The following EML6 variants were observed in gnomAD, a reference collection of about 807,000 sequenced individuals.
The protein encoded by EML6 is EMAP like 6.
A neutral mutation model predicts 240.1 loss-of-function variants in EML6; 154 were observed. That is an observed-to-expected ratio of 0.64 (90% CI 0.56 to 0.73). The LOEUF is 0.73. Among genes scored for constraint, EML6 ranks in the 30% least tolerant of loss-of-function variants. The probability of loss-of-function intolerance (pLI) is 0.00; values close to 1 mark genes in which losing one functional copy is unlikely to be tolerated. For missense variants in EML6, 2,964 were observed against 2,474.6 expected, an observed-to-expected ratio of 1.20 and a Z score of -4.20; for synonymous variants, 1,148 against 899.0, an observed-to-expected ratio of 1.28 and a Z score of -4.95.
rs374277784 is a variant in EML6, at chr2:54,905,834, A to T, written c.3409+2332A>T. 8.5e-5 allele frequency among the ~76,000 whole-genome samples: 13 copies of T among 152,290 alleles called. No homozygotes were observed. In the East Asian group the frequency reaches 1.9e-3, roughly 23 times the overall value. ...TTCCACTTAGCATAATGTTCTCAAGATTCCTCCATGTTGTAGCATGTGTCA... is the reference window on the plus strand; with the variant it reads ...TTCCACTTAGCATAATGTTCTCAAGTTTCCTCCATGTTGTAGCATGTGTCA... On this transcript the variant is annotated intron_variant, in intron 24 of 41. Coordinates refer to ENST00000356458, the MANE Select transcript of EML6 (RefSeq NM_001039753.4).
intron 28 of EML6, among the ~76,000 whole-genome samples, chr2:54,945,399 A>G (rs75010292): frequency 0.15 from 22,846 of 151,190 alleles, 2,338 homozygotes; most frequent in African/African-American, 0.29. Context: ...TCCTCCAAGG[A>G]CACTTTGAAC....
chr2:54,825,627 C>T (rs1358616379), intron 5 of EML6, among the ~76,000 whole-genome samples: 1 of 152,124 alleles, frequency 6.6e-6, no homozygotes, highest in Non-Finnish European at 1.5e-5. Flanking sequence ...AATGAGTTAC[C>T]AGAGCTGATA....
intron 2 of EML6, among the ~76,000 whole-genome samples, chr2:54,805,425 A>G (rs1051915349): frequency 6.6e-6 from 1 of 152,228 alleles, no homozygotes; most frequent in Non-Finnish European, 1.5e-5. Flanking sequence ...TTAGCAATAT[A>G]TATGCATTCC....
chr2:54,948,601 C>G (rs1177686688), intron 28 of EML6, among the ~76,000 whole-genome samples: 1 of 152,216 alleles, frequency 6.6e-6, no homozygotes, highest in Non-Finnish European at 1.5e-5. Flanking sequence ...TCTTCCTGCT[C>G]CCCCTGCTCC....
At chr2:54,954,939 C>T (rs1055266375) in intron 32 of EML6, among the ~76,000 whole-genome samples, 4 of 152,214 alleles carry the variant, frequency 2.6e-5, no homozygotes, top group African/African-American at 9.7e-5. Context: ...ATCCAGGGCT[C>T]TGGAGTCCCA....
chr2:54,903,460 G>A lies in EML6; in HGVS notation c.3367G>A (p.Gly1123Ser). ...AAGCAAAAGGGTTGGCATCTGTAAAGGTGCTTCTAGTTATATTACACACAT... is the reference window on the plus strand; with the variant it reads ...AAGCAAAAGGGTTGGCATCTGTAAAAGTGCTTCTAGTTATATTACACACAT... ...LTSKRVGICK[G>S]ASSYITHIDW... The change falls in exon 24 of 42, where the codon GGT becomes AGT. Residue 1123 changes from glycine to serine, a missense_variant. Transcript: ENST00000356458. 6.4e-7 allele frequency: 1 copy of A among 1,551,976 alleles called. No homozygotes were observed. Among genetic ancestry groups the A allele is most frequent in the Non-Finnish European group, 8.7e-7 (1 of 1,146,982 alleles).
At chr2:54,932,020 CTG>C (rs1438257886) in intron 28 of EML6, among the ~76,000 whole-genome samples, 1 of 152,186 alleles carries the variant, frequency 6.6e-6, no homozygotes, top group Non-Finnish European at 1.5e-5. Flanking sequence ...TTTAAAATAG[CTG>C]TGAGATTTCA....
At chr2:54,781,795 G>A (rs761448659) in intron 2 of EML6, among the ~76,000 whole-genome samples, 2 of 152,040 alleles carry the variant, frequency 1.3e-5, no homozygotes, top group Admixed American at 6.6e-5. Flanking sequence ...TCAGCCTCTC[G>A]AGTAGTTGGG....
intron 26 of EML6, among the ~76,000 whole-genome samples, chr2:54,927,543 A>T (rs1489441613): frequency 9.2e-5 from 14 of 152,186 alleles, no homozygotes; most frequent in African/African-American, 3.1e-4. Context: ...TGTTTTTGCC[A>T]GGCTGTGGCT....
intron 22 of EML6, among the ~76,000 whole-genome samples, chr2:54,902,371 C>A (rs887386128): frequency 1.3e-5 from 2 of 152,048 alleles, no homozygotes; most frequent in African/African-American, 4.8e-5. Flanking sequence ...ATATTATGAT[C>A]TTTTTCCTTG....
Position 54,895,027 on chromosome 2 carries a change from G to C in EML6, c.2854+1G>C, listed in dbSNP as rs1351504549. ...TCAGCATTGTCGACTAGCTCAAAAG[G>C]TGCCACTCCCAAACATGTAATAGAG... On this transcript the variant is annotated splice_donor_variant, in intron 20 of 41. Coordinates refer to ENST00000356458, the MANE Select transcript of EML6 (RefSeq NM_001039753.4). LOFTEE classifies it high-confidence loss of function. The C allele has an allele frequency of 6.5e-7, 1 of 1,542,620 alleles. No individual in the cohort carries two copies. Among genetic ancestry groups the C allele is most frequent in the Non-Finnish European group, 8.8e-7 (1 of 1,138,652 alleles).
chr2:54,960,802 G>A (rs111881520), intron 35 of EML6, among the ~76,000 whole-genome samples: 1 of 152,244 alleles, frequency 6.6e-6, no homozygotes, highest in South Asian at 2.1e-4. Context: ...TTTGGGTAGC[G>A]TATCAAAAAC....
At chr2:54,905,728 T>G (rs1023729315) in intron 24 of EML6, among the ~76,000 whole-genome samples, 22 of 152,302 alleles carry the variant, frequency 1.4e-4, no homozygotes, top group African/African-American at 5.3e-4. Flanking sequence ...CCATTTTACT[T>G]TCTGTCTCTA....
chr2:54,801,169 A>G (rs1220764783), intron 2 of EML6, among the ~76,000 whole-genome samples: 3 of 151,854 alleles, frequency 2.0e-5, no homozygotes, highest in Admixed American at 2.0e-4. Context: ...AAATACAAAA[A>G]ATCAGCCGGG....
chr2:54,810,857 C>G (rs1052379903), intron 2 of EML6, among the ~76,000 whole-genome samples: 1 of 152,152 alleles, frequency 6.6e-6, no homozygotes, highest in Non-Finnish European at 1.5e-5. Context: ...AGATGTGATG[C>G]TAACCTGAGC....
chr2:54,735,145 C>T (rs899613864), intron 2 of EML6, among the ~76,000 whole-genome samples: 1 of 152,210 alleles, frequency 6.6e-6, no homozygotes, highest in Non-Finnish European at 1.5e-5. Flanking sequence ...GCCACCTCTC[C>T]CTGAAGCCTT....
chr2:54,802,729 C>G (rs539306918), intron 2 of EML6, among the ~76,000 whole-genome samples: 3 of 152,102 alleles, frequency 2.0e-5, no homozygotes, highest in Admixed American at 1.3e-4. Flanking sequence ...GGCCATGTTA[C>G]TTTACTTATG....
At chr2:54,894,710 G>A (rs781381556) in intron 19 of EML6, among the ~76,000 whole-genome samples, 13 of 152,126 alleles carry the variant, frequency 8.5e-5, no homozygotes, top group South Asian at 4.1e-4. Flanking sequence ...TGCTGAGAAC[G>A]TGCTTAATCT....
intron 11 of EML6, among the ~76,000 whole-genome samples, chr2:54,858,246 C>A (rs1035215147): frequency 6.6e-6 from 1 of 152,202 alleles, no homozygotes; most frequent in Non-Finnish European, 1.5e-5. Flanking sequence ...ATATAGAGAT[C>A]CAAGAAAGAC....
Sources: gnomAD v4.1 joint callset for allele counts (sites outside exome capture counted in the v4.1 genomes callset) on GRCh38, gnomAD v4.1.1 for gene constraint, MANE v1.5 for transcripts, NCBI Gene and HGNC (gene_info 2026-07-23, HGNC 2026-07-21) for gene names.